The following MAPKAP1 variants were observed in gnomAD, a reference collection of about 807,000 sequenced individuals.
MAPKAP1 encodes the protein MAPK associated protein 1.
MAPKAP1 carries 20 observed loss-of-function variants against 65.7 expected under a neutral mutation model. That is an observed-to-expected ratio of 0.30 (90% confidence interval 0.21 to 0.44). The LOEUF is 0.44. Ranked by LOEUF, MAPKAP1 falls within the 20% of genes least tolerant of loss-of-function variation. The pLI, the probability that MAPKAP1 is intolerant of heterozygous loss-of-function variation, is 1.00. For synonymous variants in MAPKAP1, 222 were observed against 244.3 expected, an observed-to-expected ratio of 0.91 and a Z score of 0.85; for missense variants, 423 against 648.0, an observed-to-expected ratio of 0.65 and a Z score of 3.77.
intron 7 of MAPKAP1, chr9:125,521,773 CA>C: frequency 1.2e-6 from 2 of 1,611,772 alleles, no homozygotes; most frequent in Non-Finnish European, 1.7e-6. Context: ...CACCTAAGGA[CA>C]AAAAACAGAA....
At chr9:125,541,170 A>C (rs1830235887) in intron 7 of MAPKAP1, among the ~76,000 whole-genome samples, 1 of 152,226 alleles carries the variant, frequency 6.6e-6, no homozygotes, top group South Asian at 2.1e-4. Flanking sequence ...GGATATGGCA[A>C]AGACTCTGAT....
chr9:125,597,941 A>C (rs915318001), intron 4 of MAPKAP1, among the ~76,000 whole-genome samples: 6 of 152,184 alleles, frequency 3.9e-5, no homozygotes, highest in Non-Finnish European at 8.8e-5. Flanking sequence ...CAGGGGTCTC[A>C]AATGAGCACT....
At chr9:125,491,081 T>A (rs1854695016) in intron 8 of MAPKAP1, among the ~76,000 whole-genome samples, 1 of 146,208 alleles carries the variant, frequency 6.8e-6, no homozygotes, top group Admixed American at 7.1e-5. Context: ...GAGGCTGAAG[T>A]GAGAGCTGAG....
At chr9:125,540,637 G>A (rs1830217248) in intron 7 of MAPKAP1, among the ~76,000 whole-genome samples, 1 of 152,200 alleles carries the variant, frequency 6.6e-6, no homozygotes, top group Non-Finnish European at 1.5e-5. Flanking sequence ...CCCAGACATG[G>A]GGCATGGTAG....
chr9:125,640,044 C>A (rs1833533439), intron 4 of MAPKAP1, among the ~76,000 whole-genome samples: 1 of 152,164 alleles, frequency 6.6e-6, no homozygotes, highest in Non-Finnish European at 1.5e-5. Flanking sequence ...ACTAAGACCT[C>A]AGTATAGGCA....
intron 1 of MAPKAP1, among the ~76,000 whole-genome samples, chr9:125,698,285 ATAAATATATATATATAT>A (rs1835457614): frequency 3.9e-5 from 1 of 25,808 alleles, no homozygotes; most frequent in Non-Finnish European, 5.8e-5. Flanking sequence ...CATAATATAT[ATAAATATATATATATAT>A]ATATATATAT....
At chr9:125,653,642 A>G (rs1324972259) in intron 4 of MAPKAP1, among the ~76,000 whole-genome samples, 1 of 152,198 alleles carries the variant, frequency 6.6e-6, no homozygotes, top group African/African-American at 2.4e-5. Context: ...GTGTGTCCTG[A>G]ACCCCAAGCT....
At chr9:125,584,642 G>T (rs954488603) in intron 5 of MAPKAP1, among the ~76,000 whole-genome samples, 2 of 152,164 alleles carry the variant, frequency 1.3e-5, no homozygotes, top group African/African-American at 2.4e-5. Flanking sequence ...GGCCAGGCTG[G>T]TCTCAAACCC....
chr9:125,586,953 T>TCTA (rs1416469765), intron 4 of MAPKAP1, among the ~76,000 whole-genome samples: 2 of 152,234 alleles, frequency 1.3e-5, no homozygotes, highest in African/African-American at 4.8e-5. Context: ...ACACTGCCTA[T>TCTA]CTACTCCATT....
Position 125,480,888 on chromosome 9 carries a change from C to T in MAPKAP1, c.1207+3555G>A, listed in dbSNP as rs148395968. On this transcript the variant is annotated intron_variant, in intron 9 of 11. Transcript: ENST00000265960. Reference sequence around the variant, plus strand: ...TCAGGAGGCAGAGGCAGGAGAATGGCGTGAACCCGGTAGGAGGAGGTTGCA... The same window carrying T: ...TCAGGAGGCAGAGGCAGGAGAATGGTGTGAACCCGGTAGGAGGAGGTTGCA... Among the ~76,000 whole-genome samples the T allele has an allele frequency of 1.5e-3, 211 of 142,398 alleles. 1 individual carries two copies. The highest frequency in any genetic ancestry group is 5.2e-3 in the African/African-American group (197 of 38,192). The allele number at this position is 142,398 out of a possible 152,430, so 93.4% of individuals were successfully genotyped here.
At chr9:125,489,768 G>A (rs537896098) in intron 8 of MAPKAP1, among the ~76,000 whole-genome samples, 3 of 152,300 alleles carry the variant, frequency 2.0e-5, no homozygotes, top group South Asian at 2.1e-4. Flanking sequence ...TCTAGGGCCT[G>A]CAGCCAAGAA....
In MAPKAP1 at chr9:125,585,582, G is replaced by A; in HGVS notation, c.644C>T (p.Thr215Ile). 2 of 1,614,230 alleles carry A rather than the reference G, an allele frequency of 1.2e-6. No homozygotes were observed. Among genetic ancestry groups the A allele is most frequent in the Non-Finnish European group, 1.7e-6 (2 of 1,180,034 alleles). ...GAGCTTCGGCTCCCGTCCTTCGCTTGTATACTGCCAGCAGATGAGCCCGAT... is the reference window on the plus strand; with the variant it reads ...GAGCTTCGGCTCCCGTCCTTCGCTTATATACTGCCAGCAGATGAGCCCGAT... ...DLIGLICWQY[T>I]SEGREPKLND... The change falls in exon 5 of 12, where the codon ACA (threonine) becomes ATA (isoleucine). Residue 215 changes from threonine to isoleucine, a missense_variant. Physicochemically the swap from Thr to Ile is moderately conservative, Grantham distance 89 (BLOSUM62 -1). Around this residue, in one of 6 missense-constraint regions of MAPKAP1, gnomAD observed 98 missense variants for 200.5 expected, o/e 0.49. Transcript: ENST00000265960.
intron 8 of MAPKAP1, chr9:125,506,027 T>C (rs1829129508): frequency 1.3e-5 from 6 of 447,154 alleles, no homozygotes; most frequent in South Asian, 1.3e-4. Flanking sequence ...AAAGGCCTCA[T>C]GCTTCTAAGC....
intron 4 of MAPKAP1, among the ~76,000 whole-genome samples, chr9:125,636,904 T>C (rs1008406268): frequency 6.6e-6 from 1 of 152,246 alleles, no homozygotes; most frequent in East Asian, 1.9e-4. Flanking sequence ...AAATCTCGTG[T>C]CTAGCTAAGA....
intron 4 of MAPKAP1, among the ~76,000 whole-genome samples, chr9:125,594,155 C>A (rs1279791507): frequency 6.6e-6 from 1 of 152,210 alleles, no homozygotes; most frequent in South Asian, 2.1e-4. Context: ...GAGACCACTG[C>A]AGCAATCTCC....
At chr9:125,525,411 C>T (rs903476325) in intron 7 of MAPKAP1, among the ~76,000 whole-genome samples, 7 of 152,056 alleles carry the variant, frequency 4.6e-5, no homozygotes, top group Non-Finnish European at 1.0e-4. Context: ...CGGTGGCTCA[C>T]GCCTGTAATC....
At chr9:125,549,542 G>A (rs1017518508) in intron 6 of MAPKAP1, among the ~76,000 whole-genome samples, 7 of 152,124 alleles carry the variant, frequency 4.6e-5, no homozygotes, top group South Asian at 2.1e-4. Flanking sequence ...AGATCAAAGC[G>A]TACTGTGGGA....
intron 8 of MAPKAP1, among the ~76,000 whole-genome samples, chr9:125,493,248 A>C (rs193170177): frequency 1.2e-4 from 19 of 152,352 alleles, no homozygotes; most frequent in Non-Finnish European, 1.2e-4. Flanking sequence ...CCCACGCAGA[A>C]GCCCTGCTTC....
intron 3 of MAPKAP1, among the ~76,000 whole-genome samples, chr9:125,661,522 A>G (rs772675926): frequency 5.9e-5 from 9 of 152,152 alleles, no homozygotes; most frequent in South Asian, 2.1e-4. Flanking sequence ...CTCCAGAAAA[A>G]TCCTCGGAAT....
Sources: allele counts gnomAD v4.1 joint callset (sites outside exome capture counted in the v4.1 genomes callset), GRCh38; gene constraint gnomAD v4.1.1; regional missense constraint gnomAD v4.1.1; transcripts MANE v1.5; gene names NCBI Gene and HGNC (gene_info 2026-07-23, HGNC 2026-07-21).